GPD2: variants seen among roughly 807,000 people sequenced by gnomAD.
GPD2 encodes glycerol-3-phosphate dehydrogenase 2, also known as glycerol-3-phosphate dehydrogenase, mitochondrial.
GPD2 carries 54 observed loss-of-function variants against 82.4 expected under a neutral mutation model. The ratio of observed to expected loss-of-function variants is 0.66; its 90% CI spans 0.53 to 0.82. The LOEUF is 0.82. GPD2 is among the 40% of genes least tolerant of loss of function. The pLI is 0.00. For synonymous variants in GPD2, 288 were observed against 306.1 expected (o/e 0.94, Z 0.62); for missense variants, 748 against 896.2 (o/e 0.83, Z 2.11).
intron 3 of GPD2, among the ~76,000 whole-genome samples, chr2:156,509,962 T>C (rs1005353142): frequency 6.6e-6 from 1 of 151,862 alleles, no homozygotes; most frequent in African/African-American, 2.4e-5. Flanking sequence ...TTTGTATTTT[T>C]AGTAGAGACA....
chr2:156,459,586 C>T (rs1237593348), intron 1 of GPD2, among the ~76,000 whole-genome samples: 1 of 143,168 alleles, frequency 7.0e-6, no homozygotes, highest in African/African-American at 2.6e-5. Context: ...TATTTGGGAG[C>T]CTGATGCAGG....
chr2:156,489,129 G>A (rs1193692796), intron 2 of GPD2, among the ~76,000 whole-genome samples: 1 of 152,182 alleles, frequency 6.6e-6, no homozygotes, highest in Non-Finnish European at 1.5e-5. Flanking sequence ...GTCTACAGGG[G>A]ATAGAGTGAT....
upstream of GPD2, among the ~76,000 whole-genome samples, chr2:156,434,422 A>G (rs1462277688): frequency 1.3e-5 from 2 of 152,214 alleles, no homozygotes; most frequent in African/African-American, 4.8e-5. Context: ...AAGTTTTTAA[A>G]GGAAAAGAAG....
chr2:156,550,793 G>C lies in GPD2; in HGVS notation c.971+47G>C, dbSNP rs765387010. On this transcript the variant is annotated intron_variant, in intron 8 of 16. Transcript: ENST00000438166. ...AGTTGTCACCCAAAAAAGAGGGTCA[G>C]CAGAGATTGTCTGGTTTATTTCTTC... The C allele has an allele frequency of 9.3e-6, 14 of 1,500,868 alleles. No individual in the cohort carries two copies. In the South Asian group the frequency reaches 1.6e-4, roughly 17 times the overall value. The allele number at this position is 1,500,868 out of a possible 1,614,324, so 93.0% of individuals were successfully genotyped here.
rs757119888 is a variant in GPD2, at chr2:156,582,756, C to A, written c.2059-37C>A. On this transcript the variant is annotated intron_variant, in intron 16 of 16. Transcript: ENST00000438166. ...TGCCATGAAGAAGAGAGTAAGTTGG[C>A]CTGCGTTCTGAATCTGTTGCATATT... The A allele has an allele frequency of 7.1e-5, 115 of 1,608,952 alleles. 1 individual carries two copies. In the South Asian group the frequency reaches 1.3e-3, roughly 18 times the overall value.
chr2:156,403,740 C>T, the GPD2 span, among the ~76,000 whole-genome samples: 4 of 152,128 alleles, frequency 2.6e-5, no homozygotes, highest in Non-Finnish European at 5.9e-5. Context: ...GTTAGGTTAA[C>T]TTGCCTCTTT....
intron 6 of GPD2, among the ~76,000 whole-genome samples, chr2:156,545,921 A>T (rs1037390432): frequency 2.0e-5 from 3 of 152,164 alleles, no homozygotes; most frequent in African/African-American, 7.2e-5. Flanking sequence ...GTGGTCCTGC[A>T]TTTTTCACTT....
intron 1 of GPD2, among the ~76,000 whole-genome samples, chr2:156,456,237 G>T (rs537275318): frequency 1.1e-4 from 17 of 152,300 alleles, no homozygotes; most frequent in Admixed American, 3.3e-4. Flanking sequence ...TGCCCACTTA[G>T]AATTGTGGGA....
chr2:156,556,258 A>G (rs1305668398), intron 8 of GPD2, among the ~76,000 whole-genome samples: 1 of 152,178 alleles, frequency 6.6e-6, no homozygotes, highest in Non-Finnish European at 1.5e-5. Context: ...TTTCCATATT[A>G]AAAAATAACA....
At chr2:156,571,369 G>A (rs186531437) in intron 13 of GPD2, 77 bp downstream of exon 13, 31 of 907,904 alleles carry the variant, frequency 3.4e-5, no homozygotes, top group African/African-American at 1.5e-4. Context: ...AGAAGCTAGC[G>A]TAGTTTTTGA....
upstream of GPD2, among the ~76,000 whole-genome samples, chr2:156,434,467 T>TAA (rs11402925): frequency 2.0e-5 from 3 of 152,064 alleles, no homozygotes; most frequent in African/African-American, 7.3e-5. Flanking sequence ...ATAATTTACA[T>TAA]AAAAAAACAA....
At chr2:156,495,692 G>C (rs1330736469) in intron 2 of GPD2, 4 of 407,602 alleles carry the variant, frequency 9.8e-6, no homozygotes, top group African/African-American at 4.2e-5. Flanking sequence ...CTAGTACTGG[G>C]TAAAAAAATC....
intron 1 of GPD2, among the ~76,000 whole-genome samples, chr2:156,451,077 A>C (rs1190126578): frequency 1.0e-4 from 15 of 147,258 alleles, no homozygotes; most frequent in East Asian, 2.1e-4. Context: ...CTACACAGAC[A>C]CGGCAACCAT....
chr2:156,567,213 T>G (rs1477290125), intron 9 of GPD2, among the ~76,000 whole-genome samples: 3 of 152,044 alleles, frequency 2.0e-5, no homozygotes, highest in African/African-American at 7.2e-5. Context: ...TGAAGTGTGT[T>G]TTATCTATTT....
At chr2:156,426,892 T>A in the GPD2 span, among the ~76,000 whole-genome samples, 1 of 152,310 alleles carries the variant, frequency 6.6e-6, no homozygotes, top group South Asian at 2.1e-4. Context: ...ATGAAGGGCC[T>A]GATGCAGATT....
upstream of GPD2, among the ~76,000 whole-genome samples, chr2:156,431,155 G>A (rs1177523345): frequency 6.6e-6 from 1 of 152,224 alleles, no homozygotes; most frequent in Non-Finnish European, 1.5e-5. Context: ...AAGGAGTTAG[G>A]TGGCACCAAA....
upstream of GPD2, among the ~76,000 whole-genome samples, chr2:156,434,516 T>C (rs1688369563): frequency 6.6e-6 from 1 of 152,210 alleles, no homozygotes; most frequent in South Asian, 2.1e-4. Flanking sequence ...GTATCACAAA[T>C]TCCAGGAACA....
At chr2:156,456,472 G>C (rs556552900) in intron 1 of GPD2, among the ~76,000 whole-genome samples, 1 of 151,872 alleles carries the variant, frequency 6.6e-6, no homozygotes, top group Admixed American at 6.6e-5. Context: ...ATGTGGTGGC[G>C]CACAACTGTA....
At position 156,586,025 on chromosome 2, in the gene GPD2, A is replaced by G. The variant is rs1688204228; in HGVS notation, c.*3107A>G. ...ACTGTCTTGGTGTTTTATGGCCATT[A>G]TTTATTACTTTTGATACACAGAATG... On this transcript the variant is annotated 3_prime_UTR_variant, in exon 17 of 17. Transcript: ENST00000438166. 6.6e-6 allele frequency: 1 copy of G among 152,334 alleles called. No homozygotes were observed. The highest frequency in any genetic ancestry group is 1.5e-5 in the Non-Finnish European group (1 of 67,910). 9.4% of individuals were successfully genotyped at this position (152,334 alleles called of 1,614,324 possible). A position where few individuals can be genotyped will look rare whatever the true frequency, so the allele number is the denominator to read the frequency against.
Sources: allele counts gnomAD v4.1 joint callset (sites outside exome capture counted in the v4.1 genomes callset), GRCh38; gene constraint gnomAD v4.1.1; transcripts MANE v1.5; gene names NCBI Gene and HGNC (gene_info 2026-07-23, HGNC 2026-07-21).